Variants in BCL2L13 observed in about 807,000 individuals in gnomAD.
BCL2L13 encodes the protein BCL2 like 13.
A neutral mutation model predicts 25.8 loss-of-function variants in BCL2L13; 13 were observed. The observed-to-expected ratio is 0.50, with a 90% CI of 0.33 to 0.80. The LOEUF (loss-of-function observed/expected upper bound fraction) is 0.80, where lower values mean the gene tolerates loss of function less well. Among genes scored for constraint, BCL2L13 ranks in the 30% least tolerant of loss-of-function variants. The pLI is 0.02. For missense variants in BCL2L13, 504 were observed against 574.9 expected (o/e 0.88, Z 1.26); for synonymous variants, 244 against 230.3 (o/e 1.06, Z -0.54).
At chr22:17,707,198 A>G (rs916589494) in intron 6 of BCL2L13, among the ~76,000 whole-genome samples, 3 of 152,124 alleles carry the variant, frequency 2.0e-5, no homozygotes, top group Non-Finnish European at 2.9e-5. Context: ...TGCCTGCTGT[A>G]TATGTGGGTG....
At chr22:17,704,622 A>G (rs1440947359) in intron 6 of BCL2L13, among the ~76,000 whole-genome samples, 1 of 152,006 alleles carries the variant, frequency 6.6e-6, no homozygotes, top group Admixed American at 6.6e-5. Context: ...CTAAAAATAC[A>G]AAAATCATCT....
At position 17,638,781 on chromosome 22, in the gene BCL2L13, A is replaced by G; in HGVS notation, c.-156A>G. On this transcript the variant is annotated 5_prime_UTR_variant, in exon 1 of 7. Coordinates refer to ENST00000317582, the MANE Select transcript of BCL2L13 (RefSeq NM_015367.4). The stretch of plus-strand genomic sequence containing the variant: ...CACCCTCCAACATGGCGGCGGCGGT[A>G]GATTAGGGCCGCGGGTCGGAGCACT... 1.6e-6 allele frequency: 2 copies of G among 1,231,628 alleles called. No individual in the cohort carries two copies. Among genetic ancestry groups the G allele is most frequent in the Non-Finnish European group, 2.0e-6 (2 of 987,932 alleles). The allele number at this position is 1,231,628 out of a possible 1,614,324, so 76.3% of individuals were successfully genotyped here.
intron 6 of BCL2L13, among the ~76,000 whole-genome samples, chr22:17,715,152 ATATATATATATATATATATTTTTTTTTTT>A (rs2060896814): frequency 3.4e-4 from 2 of 5,866 alleles, no homozygotes; most frequent in African/African-American, 1.4e-3. Context: ...ATATATATAT[ATATATATATATATATATATTTTTTTTTTT>A]TTTTTTTTTT....
intron 3 of BCL2L13, among the ~76,000 whole-genome samples, chr22:17,688,041 C>T (rs2059997189): frequency 6.6e-6 from 1 of 151,994 alleles, no homozygotes; most frequent in Admixed American, 6.6e-5. Context: ...TGGTCTCGAA[C>T]TCCTGACCTC....
chr22:17,696,164 G>A lies in BCL2L13; in HGVS notation c.410G>A (p.Arg137Gln), dbSNP rs754244583. 4.5e-5 allele frequency: 73 copies of A among 1,613,638 alleles called. 1 individual carries two copies. The highest frequency in any genetic ancestry group is 8.9e-5 in the East Asian group (4 of 44,888). The change falls in exon 5 of 7, where the codon CGG becomes CAG. Residue 137 changes from arginine to glutamine, a missense_variant. Transcript: ENST00000317582. ...LSQPVTYQAF[R>Q]ECTLETTVHA... ...AGGCCAGTGACATATCAGGCATTTC[G>A]GGAATGTACACTGGAGACCACAGTT...
intron 3 of BCL2L13, among the ~76,000 whole-genome samples, chr22:17,684,987 G>C (rs999509960): frequency 1.3e-5 from 2 of 151,974 alleles, no homozygotes; most frequent in East Asian, 1.9e-4. Flanking sequence ...TGCCCGCCTT[G>C]GCCTCCCAAA....
At chr22:17,642,713 C>T (rs2058337271) in intron 1 of BCL2L13, among the ~76,000 whole-genome samples, 1 of 151,960 alleles carries the variant, frequency 6.6e-6, no homozygotes, top group Non-Finnish European at 1.5e-5. Context: ...CCTGCCTCAG[C>T]CTTCCAAGTA....
intron 1 of BCL2L13, among the ~76,000 whole-genome samples, chr22:17,631,693 TA>T (rs2058027937): frequency 5.7e-5 from 3 of 52,444 alleles, no homozygotes; most frequent in Non-Finnish European, 1.2e-4. Context: ...TATATATATA[TA>T]TATATATATA....
rs931525387 is a variant in BCL2L13 at position 17,727,153 on chromosome 22, A to C, written c.1077A>C (p.Glu359Asp). ...CCACCTCCCTGCTGGGGACAAGGGAACCTGACACAGAAGTGATCACAGTTG... is the reference window on the plus strand; with the variant it reads ...CCACCTCCCTGCTGGGGACAAGGGACCCTGACACAGAAGTGATCACAGTTG... The part of the protein sequence containing the change: ...ITATSLLGTR[E>D]PDTEVITVEK... Residue 359 changes from glutamate (E) to aspartate (D), a missense_variant, in exon 7 of 7, where the codon GAA becomes GAC. Glu to Asp is a conservative substitution (Grantham distance 45). Transcript: ENST00000317582. 7 of 1,614,220 alleles carry C rather than the reference A, an allele frequency of 4.3e-6. No individual in the cohort carries two copies. Among genetic ancestry groups the C allele is most frequent in the Non-Finnish European group, 5.9e-6 (7 of 1,180,038 alleles).
At position 17,726,775 on chromosome 22, in the gene BCL2L13, AC is replaced by A. The variant is rs777320110; in HGVS notation, c.700del (p.Gln234LysfsTer10). The stretch of plus-strand genomic sequence containing the variant: ...ACATCCTGCCCAGCGACAACTCTGG[AC>A]AAGTCAGTCCCCCAGAGTCTCCAAC... ...IYILPSDNSG[Q>X]VSPPESPTVT... On this transcript the variant is annotated frameshift_variant, in exon 7 of 7. Coordinates refer to ENST00000317582, the MANE Select transcript of BCL2L13 (RefSeq NM_015367.4). LOFTEE classifies it low-confidence loss of function (END_TRUNC). 1.9e-6 allele frequency: 3 copies of A among 1,614,236 alleles called. No individual in the cohort carries two copies. In the South Asian group the frequency reaches 3.3e-5, roughly 18 times the overall value.
rs1169926594 is a variant in BCL2L13 at position 17,631,662 on chromosome 22, GTGTGTGTGTATATATATATATATATA to G, written c.-650+2659_-650+2684del. On this transcript the variant is annotated intron_variant, in intron 1 of 6. Coordinates refer to the BCL2L13 transcript ENST00000399782. ...GAATGGTACGTGTGTGTATGTATGT[GTGTGTGTGTATATATATATATATATA>G]TATATATATATATATATATTTTTTT... 3.7e-3 allele frequency among the ~76,000 whole-genome samples: 120 copies of G among 32,130 alleles called. 5 individuals are homozygous for G. Among genetic ancestry groups the G allele is most frequent in the Admixed American group, 0.013 (25 of 1,874 alleles). The allele number at this position is 32,130 out of a possible 152,430, so 21.1% of individuals were successfully genotyped here. A position where few individuals can be genotyped will look rare whatever the true frequency, so the allele number is the denominator to read the frequency against.
chr22:17,664,799 C>A (rs1422793238), intron 2 of BCL2L13, among the ~76,000 whole-genome samples: 2 of 152,218 alleles, frequency 1.3e-5, no homozygotes, highest in Admixed American at 1.3e-4. Flanking sequence ...GAAGCCATTT[C>A]CCGAGCTGTA....
At chr22:17,724,750 T>C (rs548053056) in intron 6 of BCL2L13, among the ~76,000 whole-genome samples, 2 of 152,380 alleles carry the variant, frequency 1.3e-5, no homozygotes, top group African/African-American at 4.8e-5. Flanking sequence ...ACATATTCCA[T>C]TCAGATTCCC....
At chr22:17,648,000 C>A (rs1285799390) in intron 1 of BCL2L13, among the ~76,000 whole-genome samples, 1 of 151,928 alleles carries the variant, frequency 6.6e-6, no homozygotes. Context: ...CTTGGTGGCA[C>A]ACCCCTGTAG....
chr22:17,657,099 G>T (rs984680845), intron 2 of BCL2L13, among the ~76,000 whole-genome samples: 1 of 152,200 alleles, frequency 6.6e-6, no homozygotes, highest in East Asian at 1.9e-4. Context: ...GATTACAGGC[G>T]TGAGCCCCAG....
intron 6 of BCL2L13, among the ~76,000 whole-genome samples, chr22:17,722,375 A>AGG (rs57323420): frequency 1.0e-5 from 1 of 97,660 alleles, no homozygotes; most frequent in Non-Finnish European, 2.2e-5. Flanking sequence ...ATGAGACTAC[A>AGG]GGGGTGTGTG....
At chr22:17,722,415 G>GTGTGTGTGTGTGTGTA (rs1569017695) in intron 6 of BCL2L13, among the ~76,000 whole-genome samples, 1 of 150,056 alleles carries the variant, frequency 6.7e-6, no homozygotes, top group Non-Finnish European at 1.5e-5. Flanking sequence ...GTGTGTGTGT[G>GTGTGTGTGTGTGTGTA]TGTGTATGTA....
At chr22:17,680,050 T>TA (rs1281653779) in intron 2 of BCL2L13, among the ~76,000 whole-genome samples, 2 of 150,778 alleles carry the variant, frequency 1.3e-5, no homozygotes, top group African/African-American at 2.4e-5. Flanking sequence ...CCATCTCTAC[T>TA]AAAAATACAA....
chr22:17,647,664 T>G (rs1014738352), intron 1 of BCL2L13, among the ~76,000 whole-genome samples: 3 of 152,156 alleles, frequency 2.0e-5, no homozygotes, highest in African/African-American at 7.2e-5. Context: ...TGTACCCAAT[T>G]AAGTGGTTGT....
Sources: gnomAD v4.1 joint callset for allele counts (sites outside exome capture counted in the v4.1 genomes callset) on GRCh38, gnomAD v4.1.1 for gene constraint, MANE v1.5 for transcripts, NCBI Gene and HGNC (gene_info 2026-07-23, HGNC 2026-07-21) for gene names.